Variants in CACNA1E observed in about 807,000 individuals in gnomAD.
CACNA1E encodes the protein calcium voltage-gated channel subunit alpha1 E.
A neutral mutation model predicts 259.2 loss-of-function variants in CACNA1E; 40 were observed. The ratio of observed to expected loss-of-function variants is 0.15; its 90% confidence interval spans 0.12 to 0.20. The LOEUF (loss-of-function observed/expected upper bound fraction) is 0.20, where lower values mean the gene tolerates loss of function less well. Among genes scored for constraint, CACNA1E ranks in the 10% least tolerant of loss-of-function variants. The probability of loss-of-function intolerance (pLI) is 1.00; values close to 1 mark genes in which losing one functional copy is unlikely to be tolerated. For missense variants in CACNA1E, 1,874 were observed against 3,040.1 expected (o/e 0.62, Z 9.02); for synonymous variants, 1,104 against 1,138.5 (o/e 0.97, Z 0.61).
chr1:181,486,583 G>A (rs114808923), intron 1 of CACNA1E, among the ~76,000 whole-genome samples: 4,587 of 152,206 alleles, frequency 0.03, 89 homozygotes, highest in Middle Eastern at 0.078. Context: ...TAGGCTGCCT[G>A]GGTTGAAATC....
intron 1 of CACNA1E, among the ~76,000 whole-genome samples, chr1:181,502,071 T>C (rs1330694580): frequency 6.6e-6 from 1 of 152,100 alleles, no homozygotes; most frequent in Non-Finnish European, 1.5e-5. Flanking sequence ...TGACAGTGCA[T>C]GTCTCCTGCC....
rs1572943584 is a variant in CACNA1E at position 181,807,510 on chromosome 1, C to T, written c.*8676C>T. On this transcript the variant is annotated 3_prime_UTR_variant, in exon 48 of 48. Transcript: ENST00000367573. The stretch of plus-strand genomic sequence containing the variant: ...CAGGGAAAGCAGCAAGCCCCAGGCC[C>T]AGGCCTCCATTTGATTTGCCACTCC... 1 of 152,042 alleles carries T rather than the reference C, an allele frequency of 6.6e-6. No homozygotes were observed. The highest frequency in any genetic ancestry group is 1.5e-5 in the Non-Finnish European group (1 of 68,098). The allele number at this position is 152,042 out of a possible 1,614,324, so 9.4% of individuals were successfully genotyped here. A position where few individuals can be genotyped will look rare whatever the true frequency, so the allele number is the denominator to read the frequency against.
In CACNA1E at chr1:181,385,271, G is replaced by C. The variant is rs150564238; in HGVS notation, c.-14-27862G>C. Among the ~76,000 whole-genome samples, 551 of 152,318 alleles carry C rather than the reference G, an allele frequency of 3.6e-3. 6 individuals are homozygous for C. The highest frequency in any genetic ancestry group is 4.1e-3 in the Non-Finnish European group (276 of 68,040). ...AGTTCCTTGGAGATAGCTAGCGAGT[G>C]CAAGTAATAAAAATCATTTCATATA... On this transcript the variant is annotated intron_variant, in intron 1 of 11. Coordinates refer to the CACNA1E transcript ENST00000524607.
At chr1:181,653,983 C>T (rs1239181520) in intron 7 of CACNA1E, among the ~76,000 whole-genome samples, 1 of 152,000 alleles carries the variant, frequency 6.6e-6, no homozygotes, top group Non-Finnish European at 1.5e-5. Flanking sequence ...GGATCATCAG[C>T]ATTTGAGGAA....
chr1:181,614,865 T>C (rs1329970015), intron 6 of CACNA1E, among the ~76,000 whole-genome samples: 1 of 152,238 alleles, frequency 6.6e-6, no homozygotes, highest in Non-Finnish European at 1.5e-5. Flanking sequence ...GTAAGTTTTT[T>C]CAAATTGTTG....
In CACNA1E at chr1:181,614,039, A is replaced by G. The variant is rs562699918; in HGVS notation, c.951+33263A>G. Among the ~76,000 whole-genome samples, 27 of 152,158 alleles carry G rather than the reference A, an allele frequency of 1.8e-4. No individual in the cohort carries two copies. In the East Asian group the frequency reaches 2.3e-3, roughly 13 times the overall value. ...TTTCCTTTGTCATATAATGACTTCA[A>G]TTTTTTTCAAATCAAATTAGTCTAT... On this transcript the variant is annotated intron_variant, in intron 6 of 47. Coordinates refer to ENST00000367573, the MANE Select transcript of CACNA1E (RefSeq NM_001205293.3).
chr1:181,763,513 C>G lies in CACNA1E; in HGVS notation c.4797C>G (p.Thr1599=), dbSNP rs375801525. 6.3e-7 allele frequency: 1 copy of G among 1,584,930 alleles called. No homozygotes were observed. Among genetic ancestry groups the G allele is most frequent in the African/African-American group, 1.3e-5 (1 of 74,420 alleles). ...ATACCATACGCATTTTGCTGTGGAC[C>G]TTTGTGCAGTCCTTTAAGGTAAGAG... ...QGYTIRILLW[T]FVQSFKALPY... is the part of the protein sequence containing the mutation. Residue 1599 remains threonine (T), a synonymous_variant, in exon 34 of 48, where the codon ACC becomes ACG. Coordinates refer to ENST00000367573, the MANE Select transcript of CACNA1E (RefSeq NM_001205293.3).
At chr1:181,676,224 C>T (rs1301846573) in intron 7 of CACNA1E, among the ~76,000 whole-genome samples, 2 of 152,104 alleles carry the variant, frequency 1.3e-5, no homozygotes, top group Non-Finnish European at 2.9e-5. Flanking sequence ...TTTTTGCCCA[C>T]CATACTCAAA....
chr1:181,504,421 T>C (rs1404983025), intron 1 of CACNA1E, among the ~76,000 whole-genome samples: 1 of 152,210 alleles, frequency 6.6e-6, no homozygotes, highest in East Asian at 1.9e-4. Flanking sequence ...AGTGTTCGGA[T>C]GTCATAGGCT....
chr1:181,520,935 G>C lies in CACNA1E; in HGVS notation c.512+9425G>C, dbSNP rs1205239123. 9.2e-5 allele frequency among the ~76,000 whole-genome samples: 14 copies of C among 152,178 alleles called. 1 individual carries two copies. The highest frequency in any genetic ancestry group is 2.1e-4 in the Non-Finnish European group (14 of 68,038). On this transcript the variant is annotated intron_variant, in intron 3 of 47. Coordinates refer to ENST00000367573, the MANE Select transcript of CACNA1E (RefSeq NM_001205293.3). ...CCCCTGTCCGCCCACATCTGGATGTGACCCAGGAAGGCTGACAATGCCCTC... is the reference window on the plus strand; with the variant it reads ...CCCCTGTCCGCCCACATCTGGATGTCACCCAGGAAGGCTGACAATGCCCTC...
rs79879232 is a variant in CACNA1E, at chr1:181,355,536, C to T, written c.-15+37413C>T. Among the ~76,000 whole-genome samples the T allele has an allele frequency of 2.6e-3, 394 of 152,096 alleles. 1 individual carries two copies. Among genetic ancestry groups the T allele is most frequent in the African/African-American group, 8.8e-3 (364 of 41,476 alleles). Reference sequence around the variant, plus strand: ...CCGGGATGGGGAGTTTGCAGTGAGCCGAAATCGCACCAATACAACCCAGTC... The same window carrying T: ...CCGGGATGGGGAGTTTGCAGTGAGCTGAAATCGCACCAATACAACCCAGTC... On this transcript the variant is annotated intron_variant, in intron 1 of 11. Coordinates refer to the CACNA1E transcript ENST00000524607.
intron 5 of CACNA1E, 132 bp downstream of exon 5, chr1:181,579,356 A>C: frequency 1.4e-6 from 1 of 726,418 alleles, no homozygotes. Context: ...AGAAGCTTCT[A>C]GTCAGCAGCC....
At chr1:181,395,171 A>G (rs1656580420) in intron 1 of CACNA1E, among the ~76,000 whole-genome samples, 2 of 152,170 alleles carry the variant, frequency 1.3e-5, no homozygotes, top group African/African-American at 4.8e-5. Context: ...GTAGCAGTGG[A>G]TGGTGAGAAG....
At position 181,465,004 on chromosome 1, in the gene CACNA1E, C is replaced by A. The variant is rs544990275; in HGVS notation, c.435-18740C>A. Among the ~76,000 whole-genome samples the A allele has an allele frequency of 6.6e-5, 10 of 152,098 alleles. No homozygotes were observed. The South Asian group carries it at 2.1e-3, about 32-fold the overall frequency. ...CTCCTCACACCATTTTCTTGCAGAC[C>A]ATTCTTTTCTTCCATTTAAATTTCC... On this transcript the variant is annotated intron_variant, in intron 2 of 11. Coordinates refer to the CACNA1E transcript ENST00000524607.
intron 1 of CACNA1E, among the ~76,000 whole-genome samples, chr1:181,383,719 A>C (rs1220548251): frequency 6.6e-6 from 1 of 152,222 alleles, no homozygotes; most frequent in East Asian, 1.9e-4. Context: ...CACTAAACCC[A>C]TTTCCTTTTC....
chr1:181,766,447 T>C, intron 34 of CACNA1E, 99 bp from the exon 35 acceptor site: 1 of 816,534 alleles, frequency 1.2e-6, no homozygotes, highest in Non-Finnish European at 2.1e-6. Flanking sequence ...GTGTTTGCAT[T>C]AGCCTCCAGG....
chr1:181,615,772 A>G (rs1655153592), intron 6 of CACNA1E, among the ~76,000 whole-genome samples: 1 of 152,176 alleles, frequency 6.6e-6, no homozygotes, highest in South Asian at 2.1e-4. Flanking sequence ...ACCTTGTTAT[A>G]AATTAAATAG....
intron 44 of CACNA1E, 148 bp downstream of exon 44, chr1:181,790,704 T>G (rs1661228541): frequency 1.6e-6 from 1 of 630,390 alleles, no homozygotes; most frequent in African/African-American, 1.8e-5. Flanking sequence ...TTAGCCCTTT[T>G]CTAGCCCAGT....
chr1:181,522,407 C>T (rs1243788303), intron 3 of CACNA1E, among the ~76,000 whole-genome samples: 1 of 152,094 alleles, frequency 6.6e-6, no homozygotes, highest in Middle Eastern at 3.2e-3. Context: ...TTTTTATATT[C>T]AGCACAGAAA....
Sources: allele counts gnomAD v4.1 joint callset (sites outside exome capture counted in the v4.1 genomes callset), GRCh38; gene constraint gnomAD v4.1.1; transcripts MANE v1.5; gene names NCBI Gene and HGNC (gene_info 2026-07-23, HGNC 2026-07-21).